Variants in TTC39A observed in about 807,000 individuals in gnomAD.
The protein encoded by TTC39A is tetratricopeptide repeat protein 39A.
TTC39A carries 46 observed loss-of-function variants against 82.3 expected under a neutral mutation model. The ratio of observed to expected loss-of-function variants is 0.56; its 90% CI spans 0.44 to 0.71. TTC39A has a LOEUF of 0.71. Among genes scored for constraint, TTC39A ranks in the 30% least tolerant of loss-of-function variants. The pLI is 0.00. For missense variants in TTC39A, 543 were observed against 712.9 expected (o/e 0.76, Z 2.71); for synonymous variants, 254 against 275.2 (o/e 0.92, Z 0.76).
chr1:51,327,432 C>T (rs72906177), intron 1 of TTC39A, among the ~76,000 whole-genome samples: 1,605 of 152,264 alleles, frequency 0.011, 14 homozygotes, highest in South Asian at 0.03. Context: ...AAATGTGTCA[C>T]GGAGTGATGT....
At position 51,291,805 on chromosome 1, in the gene TTC39A, C is replaced by CAA. The variant is rs112294762; in HGVS notation, c.1267-1182_1267-1181dup. Among the ~76,000 whole-genome samples the CAA allele has an allele frequency of 8.9e-3, 1,144 of 128,136 alleles. 13 individuals are homozygous for CAA. Among genetic ancestry groups the CAA allele is most frequent in the African/African-American group, 0.03 (1,069 of 35,374 alleles). The allele number at this position is 128,136 out of a possible 152,430, so 84.1% of individuals were successfully genotyped here. A position where few individuals can be genotyped will look rare whatever the true frequency, so the allele number is the denominator to read the frequency against. On this transcript the variant is annotated intron_variant, in intron 14 of 17. Coordinates refer to ENST00000680483, the MANE Select transcript of TTC39A (RefSeq NM_001297663.2). ...TGGGTGACAGAGTGAGATTCTATCTCAAAAAAAAAAAAAAAATTCTTTTCA... is the reference window on the plus strand; with the variant it reads ...TGGGTGACAGAGTGAGATTCTATCTCAAAAAAAAAAAAAAAAAATTCTTTTCA...
chr1:51,324,162 G>A (rs1054372734), intron 1 of TTC39A, among the ~76,000 whole-genome samples: 1 of 152,158 alleles, frequency 6.6e-6, no homozygotes, highest in African/African-American at 2.4e-5. Context: ...TCATTTTTTA[G>A]GGAGTCTTTT....
chr1:51,326,620 G>A (rs1645721370), intron 1 of TTC39A, among the ~76,000 whole-genome samples: 1 of 152,184 alleles, frequency 6.6e-6, no homozygotes, highest in African/African-American at 2.4e-5. Context: ...ACCCTTATCT[G>A]TCTTTGATAG....
chr1:51,344,585 G>C lies in TTC39A; in HGVS notation c.53+406C>G, dbSNP rs1230125316. 2.0e-5 allele frequency among the ~76,000 whole-genome samples: 3 copies of C among 152,190 alleles called. No individual in the cohort carries two copies. The East Asian group carries it at 5.8e-4, about 29-fold the overall frequency. Reference sequence around the variant, plus strand: ...CACAGAGCCCTGGCTTCATCTGTCCGGGCACACAGCGTGCCCACACTTGGC... The same window carrying C: ...CACAGAGCCCTGGCTTCATCTGTCCCGGCACACAGCGTGCCCACACTTGGC... On this transcript the variant is annotated intron_variant, in intron 1 of 5. Coordinates refer to the TTC39A transcript ENST00000401051.
At chr1:51,327,586 T>C (rs72694111) in intron 1 of TTC39A, among the ~76,000 whole-genome samples, 2,337 of 152,288 alleles carry the variant, frequency 0.015, 20 homozygotes, top group Middle Eastern at 0.031. Context: ...GAGATGGGAA[T>C]GACAGTACTT....
chr1:51,337,876 AG>A (rs1645993897), intron 1 of TTC39A, among the ~76,000 whole-genome samples: 2 of 151,886 alleles, frequency 1.3e-5, no homozygotes, highest in Admixed American at 1.3e-4. Flanking sequence ...TTCCACAGGT[AG>A]GGCTTTTGTT....
chr1:51,343,714 T>C (rs573237044), intron 1 of TTC39A, among the ~76,000 whole-genome samples: 2 of 152,210 alleles, frequency 1.3e-5, no homozygotes, highest in African/African-American at 2.4e-5. Flanking sequence ...CAACAATGTG[T>C]GCTGAAAGGC....
chr1:51,316,802 C>T (rs919879641), intron 2 of TTC39A, among the ~76,000 whole-genome samples: 1 of 152,218 alleles, frequency 6.6e-6, no homozygotes. Flanking sequence ...CTTTCCACCT[C>T]CTTCACTCCT....
At position 51,302,500 on chromosome 1, in the gene TTC39A, G is replaced by T; in HGVS notation, c.831+6C>A. ...CTGGGGGTACCGGGCAGCACATGGG[G>T]CTCACCTTAGGGTACCGGTTCAGGT... On this transcript the variant is annotated splice_donor_region_variant and intron_variant, in intron 10 of 17. Coordinates refer to ENST00000680483, the MANE Select transcript of TTC39A (RefSeq NM_001297663.2). 1 of 1,609,232 alleles carries T rather than the reference G, an allele frequency of 6.2e-7. No individual in the cohort carries two copies. The highest frequency in any genetic ancestry group is 1.7e-5 in the Admixed American group (1 of 59,250).
intron 12 of TTC39A, among the ~76,000 whole-genome samples, 191 bp from the exon 13 acceptor site, chr1:51,296,361 C>G (rs1644426385): frequency 1.3e-5 from 2 of 152,248 alleles, no homozygotes; most frequent in Admixed American, 1.3e-4. Flanking sequence ...GTCAAAGCAG[C>G]CACCTTCTTC....
At chr1:51,330,689 G>T, upstream of TTC39A, 3 of 922,992 alleles carry the variant, frequency 3.3e-6, no homozygotes, top group Non-Finnish European at 3.9e-6. The surrounding 1 kb of genome is among the most constrained non-coding windows in gnomAD (Gnocchi z 4.5). Context: ...CCGCGCTCCC[G>T]CACCGCCGGG....
chr1:51,339,654 T>C (rs1323908010), intron 1 of TTC39A, among the ~76,000 whole-genome samples: 2 of 152,186 alleles, frequency 1.3e-5, no homozygotes, highest in Admixed American at 1.3e-4. Flanking sequence ...CCAGGCATGG[T>C]GGCTCATGCC....
chr1:51,302,210 T>A, intron 11 of TTC39A, 147 bp downstream of exon 11: 1 of 1,008,828 alleles, frequency 9.9e-7, no homozygotes, highest in Non-Finnish European at 1.5e-6. Context: ...GGGCCTCTCC[T>A]GCCCCTGCTC....
At chr1:51,337,233 C>G (rs921877971) in intron 1 of TTC39A, among the ~76,000 whole-genome samples, 1 of 152,054 alleles carries the variant, frequency 6.6e-6, no homozygotes, top group Non-Finnish European at 1.5e-5. Flanking sequence ...TTTATTCCCT[C>G]TCTTATTTCA....
chr1:51,310,195 C>G (rs1049788866), intron 5 of TTC39A, among the ~76,000 whole-genome samples: 2 of 152,124 alleles, frequency 1.3e-5, no homozygotes, highest in Non-Finnish European at 2.9e-5. Flanking sequence ...CAAGATCACA[C>G]CACTGCACTC....
chr1:51,314,064 T>C (rs1464542660), intron 2 of TTC39A, among the ~76,000 whole-genome samples: 2 of 152,208 alleles, frequency 1.3e-5, no homozygotes. Context: ...GACTCATCTC[T>C]GTCCTCAGCA....
chr1:51,295,360 C>G (rs956657217), intron 13 of TTC39A, among the ~76,000 whole-genome samples: 2 of 152,172 alleles, frequency 1.3e-5, no homozygotes, highest in African/African-American at 4.8e-5. Context: ...ATATTATACC[C>G]ATTTCTGGGT....
At chr1:51,308,901 G>C (rs1009103239) in intron 6 of TTC39A, among the ~76,000 whole-genome samples, 3 of 152,194 alleles carry the variant, frequency 2.0e-5, no homozygotes, top group African/African-American at 7.2e-5. Context: ...CATTTGGACT[G>C]GGCCTTAACA....
At chr1:51,334,276 G>A (rs1645947481), upstream of TTC39A, among the ~76,000 whole-genome samples, 1 of 151,980 alleles carries the variant, frequency 6.6e-6, no homozygotes, top group Non-Finnish European at 1.5e-5. Flanking sequence ...GGCTGAGGTG[G>A]GCGGATCACC....
Sources: allele counts gnomAD v4.1 joint callset (sites outside exome capture counted in the v4.1 genomes callset), GRCh38; gene constraint gnomAD v4.1.1; non-coding constraint Gnocchi (gnomAD v3.1); transcripts MANE v1.5; gene names NCBI Gene and HGNC (gene_info 2026-07-23, HGNC 2026-07-21).